HCRTR2: variants seen among roughly 807,000 people sequenced by gnomAD.
HCRTR2 encodes orexin receptor type 2.
In HCRTR2, 22 loss-of-function variants were observed where a neutral mutation model predicts 49.0. That is an observed-to-expected ratio of 0.45 (90% CI 0.32 to 0.64). The LOEUF (loss-of-function observed/expected upper bound fraction) is 0.64. HCRTR2 is among the 30% of genes least tolerant of loss of function. The pLI is 0.04. For missense variants in HCRTR2, 491 were observed against 559.4 expected (o/e 0.88, Z 1.23); for synonymous variants, 236 against 205.3 (o/e 1.15, Z -1.28).
At position 55,282,544 on chromosome 6, in the gene HCRTR2, G is replaced by A; in HGVS notation, c.*90G>A. The A allele has an allele frequency of 1.4e-6, 1 of 727,708 alleles. No individual in the cohort carries two copies. Among genetic ancestry groups the A allele is most frequent in the Non-Finnish European group, 2.4e-6 (1 of 425,352 alleles). 45.1% of individuals were successfully genotyped at this position (727,708 alleles called of 1,614,324 possible). A position where few individuals can be genotyped will look rare whatever the true frequency, so the allele number is the denominator to read the frequency against. On this transcript the variant is annotated 3_prime_UTR_variant, in exon 7 of 7. Coordinates refer to ENST00000370862, the MANE Select transcript of HCRTR2 (RefSeq NM_001384272.1). Reference sequence around the variant, plus strand: ...AAATTTTATTATCCTATGATGTGAAGCTAAAATTACTTGTGGATCTTTTTT... The same window carrying A: ...AAATTTTATTATCCTATGATGTGAAACTAAAATTACTTGTGGATCTTTTTT...
intron 1 of HCRTR2, among the ~76,000 whole-genome samples, chr6:55,216,456 T>A (rs530451043): frequency 6.6e-6 from 1 of 152,170 alleles, no homozygotes; most frequent in East Asian, 1.9e-4. Flanking sequence ...TCAAAACAAG[T>A]CATATAATTC....
At chr6:55,127,223 T>C (rs1764293738) in intron 1 of HCRTR2, among the ~76,000 whole-genome samples, 1 of 152,184 alleles carries the variant, frequency 6.6e-6, no homozygotes, top group South Asian at 2.1e-4. Flanking sequence ...AGGAATCTCC[T>C]GGTCTGCAGG....
At chr6:55,175,328 C>A (rs1765020475) in intron 1 of HCRTR2, among the ~76,000 whole-genome samples, 1 of 152,080 alleles carries the variant, frequency 6.6e-6, no homozygotes, top group Admixed American at 6.6e-5. Flanking sequence ...AGTCTCCAGT[C>A]AAGAGGTGGT....
chr6:55,222,628 G>C (rs903100373), intron 1 of HCRTR2, among the ~76,000 whole-genome samples: 3 of 152,096 alleles, frequency 2.0e-5, no homozygotes, highest in African/African-American at 7.2e-5. Flanking sequence ...CTTATAATAT[G>C]CTGCAACATA....
At chr6:55,210,179 T>C (rs1311413705) in intron 1 of HCRTR2, among the ~76,000 whole-genome samples, 1 of 152,142 alleles carries the variant, frequency 6.6e-6, no homozygotes, top group East Asian at 1.9e-4. Flanking sequence ...ATTAGAAATG[T>C]GTTATTTCTT....
chr6:55,231,575 A>G (rs1277280973), intron 1 of HCRTR2, among the ~76,000 whole-genome samples: 4 of 152,130 alleles, frequency 2.6e-5, no homozygotes, highest in Non-Finnish European at 5.9e-5. Context: ...GTGCCTTTCC[A>G]AATTAGAAGA....
Position 55,244,826 on chromosome 6 carries a change from T to C in HCRTR2, c.224-3813T>C, listed in dbSNP as rs1027146330. Among the ~76,000 whole-genome samples, 5 of 152,180 alleles carry C rather than the reference T, an allele frequency of 3.3e-5. No homozygotes were observed. The East Asian group carries it at 9.7e-4, about 29-fold the overall frequency. On this transcript the variant is annotated intron_variant, in intron 1 of 6. Coordinates refer to ENST00000370862, the MANE Select transcript of HCRTR2 (RefSeq NM_001384272.1). ...ATTTAAGTCTTTAATCCATCTTCAGTTGCTATTTGTATATGGTGAGAGATA... is the reference window on the plus strand; with the variant it reads ...ATTTAAGTCTTTAATCCATCTTCAGCTGCTATTTGTATATGGTGAGAGATA...
At chr6:55,172,614 A>G (rs1764967088), upstream of HCRTR2, among the ~76,000 whole-genome samples, 1 of 152,158 alleles carries the variant, frequency 6.6e-6, no homozygotes. Context: ...ACTATGTCCC[A>G]AAAAGTATTC....
At chr6:55,270,177 T>C (rs1766946186) in intron 4 of HCRTR2, among the ~76,000 whole-genome samples, 2 of 152,206 alleles carry the variant, frequency 1.3e-5, no homozygotes, top group Admixed American at 1.3e-4. Flanking sequence ...GATGTGGTAC[T>C]AGTCTCTATA....
intron 1 of HCRTR2, among the ~76,000 whole-genome samples, chr6:55,242,857 T>A (rs1170174747): frequency 6.6e-6 from 1 of 152,224 alleles, no homozygotes; most frequent in East Asian, 1.9e-4. Context: ...AAGGCCATTT[T>A]AAAAATATTG....
intron 1 of HCRTR2, among the ~76,000 whole-genome samples, chr6:55,198,816 A>G (rs1365573169): frequency 2.0e-5 from 3 of 152,188 alleles, no homozygotes; most frequent in African/African-American, 7.2e-5. Context: ...AAATACCTGG[A>G]TTCCCTAGTC....
At chr6:55,256,200 A>G (rs1367494661) in intron 3 of HCRTR2, among the ~76,000 whole-genome samples, 1 of 152,120 alleles carries the variant, frequency 6.6e-6, no homozygotes, top group South Asian at 2.1e-4. Flanking sequence ...AATATATCAT[A>G]TGAAATATAT....
intron 4 of HCRTR2, among the ~76,000 whole-genome samples, chr6:55,269,247 C>T (rs910013609): frequency 2.2e-4 from 34 of 152,218 alleles, no homozygotes; most frequent in African/African-American, 7.0e-4. Context: ...GCACATAAAA[C>T]ATTTTCCAGG....
At chr6:55,163,364 A>G (rs1764833653) in intron 1 of HCRTR2, among the ~76,000 whole-genome samples, 1 of 152,100 alleles carries the variant, frequency 6.6e-6, no homozygotes, top group African/African-American at 2.4e-5. Flanking sequence ...CATGCTACCT[A>G]ACTTCAAATT....
At chr6:55,192,968 C>A (rs1189468854) in intron 1 of HCRTR2, among the ~76,000 whole-genome samples, 1 of 152,164 alleles carries the variant, frequency 6.6e-6, no homozygotes, top group Non-Finnish European at 1.5e-5. Flanking sequence ...CAGCGATAAC[C>A]ATTTTCAGAG....
chr6:55,145,399 T>TTTTG (rs1561986106), intron 1 of HCRTR2, among the ~76,000 whole-genome samples: 3 of 102,508 alleles, frequency 2.9e-5, no homozygotes, highest in African/African-American at 9.8e-5. Context: ...CTTTGTTTTT[T>TTTTG]TTTTTGTTTT....
At chr6:55,217,044 G>C (rs1410374797) in intron 1 of HCRTR2, among the ~76,000 whole-genome samples, 1 of 152,056 alleles carries the variant, frequency 6.6e-6, no homozygotes, top group Non-Finnish European at 1.5e-5. Context: ...AGCTACACTT[G>C]GAGCCTCTTG....
intron 1 of HCRTR2, among the ~76,000 whole-genome samples, chr6:55,231,458 A>G: frequency 6.6e-6 from 1 of 152,156 alleles, no homozygotes; most frequent in East Asian, 1.9e-4. Flanking sequence ...TTAACGGAAT[A>G]TCTGAAAGTG....
intron 1 of HCRTR2, among the ~76,000 whole-genome samples, chr6:55,137,116 T>C (rs1004447441): frequency 7.2e-5 from 11 of 152,186 alleles, no homozygotes; most frequent in Non-Finnish European, 1.2e-4. Flanking sequence ...GGATGACTAA[T>C]AATCAAAGGT....
Sources: allele counts gnomAD v4.1 joint callset (sites outside exome capture counted in the v4.1 genomes callset), GRCh38; gene constraint gnomAD v4.1.1; transcripts MANE v1.5; gene names NCBI Gene and HGNC (gene_info 2026-07-23, HGNC 2026-07-21).